Variants in EPB41L1 observed in about 807,000 individuals in gnomAD.
The protein encoded by EPB41L1 is erythrocyte membrane protein band 4.1 like 1.
EPB41L1 carries 29 observed loss-of-function variants against 97.8 expected under a neutral mutation model. The observed-to-expected ratio is 0.30, with a 90% confidence interval of 0.22 to 0.40. The LOEUF (loss-of-function observed/expected upper bound fraction) is 0.40, where lower values mean the gene tolerates loss of function less well. Ranked by LOEUF, EPB41L1 falls within the 10% of genes least tolerant of loss-of-function variation. EPB41L1 has a pLI of 1.00. For synonymous variants in EPB41L1, 383 were observed against 459.2 expected, an observed-to-expected ratio of 0.83 and a Z score of 2.12; for missense variants, 812 against 1,162.3, an observed-to-expected ratio of 0.70 and a Z score of 4.38.
chr20:36,181,205 T>G (rs2061458780), intron 5 of EPB41L1, among the ~76,000 whole-genome samples: 2 of 152,258 alleles, frequency 1.3e-5, no homozygotes, highest in South Asian at 4.1e-4. Flanking sequence ...GCTTTCTCAC[T>G]TTGTCAGGGG....
Position 36,195,257 on chromosome 20 carries a change from C to T in EPB41L1, c.1450-72C>T. Reference sequence around the variant, plus strand: ...TCTGGGCTCCTTGCTGGACCAAGCCCATCGTGGTATCTCTAATCCATCTGC... The same window carrying T: ...TCTGGGCTCCTTGCTGGACCAAGCCTATCGTGGTATCTCTAATCCATCTGC... On this transcript the variant is annotated intron_variant, in intron 12 of 21. Coordinates refer to ENST00000338074, the MANE Select transcript of EPB41L1 (RefSeq NM_012156.2). This position sits in a 1 kb window ranked among gnomAD's most constrained non-coding sequence, Gnocchi z 4.6. 6.3e-7 allele frequency: 1 copy of T among 1,591,946 alleles called. No individual in the cohort carries two copies. Among genetic ancestry groups the T allele is most frequent in the Non-Finnish European group, 8.6e-7 (1 of 1,160,732 alleles).
chr20:36,134,117 A>G (rs1421670150), intron 2 of EPB41L1, among the ~76,000 whole-genome samples: 1 of 152,202 alleles, frequency 6.6e-6, no homozygotes, highest in Non-Finnish European at 1.5e-5. Flanking sequence ...CCACTCAGCT[A>G]GGAAGTGGCG....
chr20:36,204,471 CTTTT>C (rs765673962), intron 14 of EPB41L1, among the ~76,000 whole-genome samples: 34 of 90,592 alleles, frequency 3.8e-4, no homozygotes, highest in African/African-American at 2.0e-3. Flanking sequence ...CGATCTGGTG[CTTTT>C]TTTTTTTTTT....
At chr20:36,229,178 G>A (rs2064365596) in intron 21 of EPB41L1, among the ~76,000 whole-genome samples, 154 bp from the exon 22 acceptor site, 1 of 152,062 alleles carries the variant, frequency 6.6e-6, no homozygotes. Flanking sequence ...ACCTTGCTGA[G>A]TCACAATAAA....
At chr20:36,191,870 T>C (rs1185744035) in intron 11 of EPB41L1, among the ~76,000 whole-genome samples, 1 of 152,202 alleles carries the variant, frequency 6.6e-6, no homozygotes, top group Non-Finnish European at 1.5e-5. Flanking sequence ...TGGCACATAG[T>C]AGCACCTTAA....
intron 7 of EPB41L1, 26 bp downstream of exon 7, chr20:36,185,361 C>T (rs1364783233): frequency 6.2e-7 from 1 of 1,601,352 alleles, no homozygotes; most frequent in Non-Finnish European, 8.5e-7. Flanking sequence ...CCAGGGCCTT[C>T]TGTGGCTCCT....
intron 14 of EPB41L1, among the ~76,000 whole-genome samples, chr20:36,202,079 A>T (rs1175465765): frequency 6.6e-6 from 1 of 152,202 alleles, no homozygotes; most frequent in East Asian, 1.9e-4. Context: ...GGGAAATCGG[A>T]CAAGAGTCAA....
intron 2 of EPB41L1, chr20:36,125,515 G>A: frequency 6.6e-7 from 1 of 1,514,110 alleles, no homozygotes. Flanking sequence ...CACCTACTGA[G>A]CGCTCAGTAA....
At chr20:36,197,529 C>A in intron 13 of EPB41L1, 2 of 603,924 alleles carry the variant, frequency 3.3e-6, no homozygotes, top group Non-Finnish European at 4.2e-6. Flanking sequence ...GCTTATAGCA[C>A]CACAGGGAAC....
chr20:36,117,578 A>G lies in EPB41L1; in HGVS notation c.-10+5098A>G, dbSNP rs1228214356. 4.6e-5 allele frequency among the ~76,000 whole-genome samples: 7 copies of G among 152,254 alleles called. No individual in the cohort carries two copies. In the South Asian group the frequency reaches 1.4e-3, roughly 32 times the overall value. ...GATTTTCCTTGTAATCCTGAGAGAT[A>G]AGGCAGGAAGGGTATAATTATCCCC... On this transcript the variant is annotated intron_variant, in intron 2 of 19. Transcript: ENST00000202028.
chr20:36,112,670 G>T (rs183070261), intron 2 of EPB41L1, among the ~76,000 whole-genome samples: 1 of 152,338 alleles, frequency 6.6e-6, no homozygotes, highest in South Asian at 2.1e-4. Flanking sequence ...GTTTTGGCTT[G>T]TTTTGGGTTA....
At chr20:36,154,495 T>C (rs917977173), upstream of EPB41L1, among the ~76,000 whole-genome samples, 2 of 143,416 alleles carry the variant, frequency 1.4e-5, no homozygotes, top group Non-Finnish European at 3.1e-5. This position sits in a 1 kb window ranked among gnomAD's most constrained non-coding sequence, Gnocchi z 5.5. Flanking sequence ...CCTGGGAGCC[T>C]GAGAGAGAGG....
At chr20:36,105,388 G>A (rs2058157205) in intron 1 of EPB41L1, among the ~76,000 whole-genome samples, 1 of 152,210 alleles carries the variant, frequency 6.6e-6, no homozygotes, top group Non-Finnish European at 1.5e-5. Context: ...TGAGGTCCTG[G>A]GGTCAAAGGG....
upstream of EPB41L1, among the ~76,000 whole-genome samples, chr20:36,154,550 G>A (rs2060198014): frequency 6.6e-6 from 1 of 150,636 alleles, no homozygotes; most frequent in South Asian, 2.1e-4. The surrounding 1 kb of genome is among the most constrained non-coding windows in gnomAD (Gnocchi z 5.5). Context: ...CAGGCAGAGA[G>A]GAGGCGGAGG....
chr20:36,193,169 T>A (rs1428028203), intron 11 of EPB41L1, among the ~76,000 whole-genome samples: 3 of 152,090 alleles, frequency 2.0e-5, no homozygotes, highest in Non-Finnish European at 4.4e-5. Context: ...CCAGAGCTGG[T>A]GAAGCTCATC....
intron 14 of EPB41L1, among the ~76,000 whole-genome samples, chr20:36,202,967 C>G (rs1043970433): frequency 3.9e-5 from 6 of 152,168 alleles, no homozygotes; most frequent in Non-Finnish European, 8.8e-5. Flanking sequence ...CTGTTTCTCC[C>G]CACCCCTGTT....
chr20:36,185,961 C>T (rs749638316), intron 7 of EPB41L1, among the ~76,000 whole-genome samples: 1 of 152,126 alleles, frequency 6.6e-6, no homozygotes, highest in East Asian at 1.9e-4. Flanking sequence ...AGCAGTTGGA[C>T]GATAATTAAC....
chr20:36,165,662 G>A (rs529277070), intron 1 of EPB41L1, among the ~76,000 whole-genome samples: 1 of 152,294 alleles, frequency 6.6e-6, no homozygotes, highest in Admixed American at 6.5e-5. Context: ...TTGTGCCACT[G>A]CACTCCAGCC....
At position 36,231,471 on chromosome 20, in the gene EPB41L1, C is replaced by G. The variant is rs941388045; in HGVS notation, c.*2131C>G. 6.6e-6 allele frequency: 1 copy of G among 152,282 alleles called. No individual in the cohort carries two copies. Among genetic ancestry groups the G allele is most frequent in the African/African-American group, 2.4e-5 (1 of 41,470 alleles). 9.4% of individuals were successfully genotyped at this position (152,282 alleles called of 1,614,324 possible). A position where few individuals can be genotyped will look rare whatever the true frequency, so the allele number is the denominator to read the frequency against. ...GAACCTGAGGAGCCACCTGAGCCAG[C>G]TTTATATTTCAACCATGGCTGGCCC... is the stretch of plus-strand genomic sequence containing the variant. On this transcript the variant is annotated 3_prime_UTR_variant, in exon 22 of 22. Transcript: ENST00000338074.
Sources: allele counts gnomAD v4.1 joint callset (sites outside exome capture counted in the v4.1 genomes callset), GRCh38; gene constraint gnomAD v4.1.1; non-coding constraint Gnocchi (gnomAD v3.1); transcripts MANE v1.5; gene names NCBI Gene and HGNC (gene_info 2026-07-23, HGNC 2026-07-21).